Variants in NUBPL observed in about 807,000 individuals in gnomAD.
NUBPL encodes iron-sulfur cluster transfer protein NUBPL.
A neutral mutation model predicts 45.7 loss-of-function variants in NUBPL; 31 were observed. The observed-to-expected ratio is 0.68, with a 90% CI of 0.51 to 0.92. The LOEUF is 0.92. NUBPL is among the 40% of genes least tolerant of loss of function. The probability of loss-of-function intolerance (pLI) is 0.00; values close to 1 mark genes in which losing one functional copy is unlikely to be tolerated. For synonymous variants in NUBPL, 144 were observed against 140.9 expected, an observed-to-expected ratio of 1.02 and a Z score of -0.15; for missense variants, 401 against 398.7, an observed-to-expected ratio of 1.01 and a Z score of -0.05.
Position 31,564,730 on chromosome 14 carries a change from T to C in NUBPL, c.257-284T>C, listed in dbSNP as rs2033391258. 2.0e-5 allele frequency among the ~76,000 whole-genome samples: 3 copies of C among 152,278 alleles called. No individual in the cohort carries two copies. In the South Asian group the frequency reaches 6.2e-4, roughly 32 times the overall value. ...AATTAAGTGGATTATTTGAACAAAATTGTAACAGAAATGGATTTTTAAAAA... is the reference window on the plus strand; with the variant it reads ...AATTAAGTGGATTATTTGAACAAAACTGTAACAGAAATGGATTTTTAAAAA... On this transcript the variant is annotated intron_variant, in intron 2 of 10. Transcript: ENST00000281081.
chr14:31,680,228 C>CT (rs2036798419), intron 6 of NUBPL, among the ~76,000 whole-genome samples: 1 of 152,028 alleles, frequency 6.6e-6, no homozygotes, highest in Non-Finnish European at 1.5e-5. Context: ...ATTTGATTTT[C>CT]TGGTATTCTT....
chr14:31,678,089 C>T (rs146389305), intron 6 of NUBPL, among the ~76,000 whole-genome samples: 1 of 152,326 alleles, frequency 6.6e-6, no homozygotes, highest in African/African-American at 2.4e-5. Context: ...ACCAGCACTA[C>T]AGACCCACAG....
intron 7 of NUBPL, among the ~76,000 whole-genome samples, chr14:31,805,374 A>G (rs1321612556): frequency 6.6e-6 from 1 of 152,258 alleles, no homozygotes; most frequent in Non-Finnish European, 1.5e-5. Flanking sequence ...TCAAAGAGCT[A>G]AAGACAGAAC....
chr14:31,742,237 T>TACACACACAC (rs3035713), intron 6 of NUBPL, among the ~76,000 whole-genome samples: 2,098 of 141,424 alleles, frequency 0.015, 18 homozygotes, highest in African/African-American at 0.028. Flanking sequence ...AACTATTGTG[T>TACACACACAC]ACACACACAC....
At chr14:31,833,212 A>T (rs576383742) in intron 8 of NUBPL, among the ~76,000 whole-genome samples, 129 of 152,116 alleles carry the variant, frequency 8.5e-4, no homozygotes, top group Non-Finnish European at 1.5e-3. Context: ...CTTTAAAAGA[A>T]TAAAAAATTA....
At chr14:31,655,338 A>G (rs1595444719) in intron 4 of NUBPL, among the ~76,000 whole-genome samples, 1 of 152,330 alleles carries the variant, frequency 6.6e-6, no homozygotes, top group East Asian at 1.9e-4. Flanking sequence ...GTTAGCAGGC[A>G]TGAAGACAAC....
chr14:31,667,185 CCAAT>C, intron 4 of NUBPL, among the ~76,000 whole-genome samples: 1 of 152,262 alleles, frequency 6.6e-6, no homozygotes, highest in Non-Finnish European at 1.5e-5. Context: ...TTCAGGTACA[CCAAT>C]CAATCGTAGG....
intron 3 of NUBPL, among the ~76,000 whole-genome samples, chr14:31,594,327 G>A (rs1465608452): frequency 6.6e-6 from 1 of 152,182 alleles, no homozygotes; most frequent in Non-Finnish European, 1.5e-5. Context: ...CACTGAGGCG[G>A]GAGGATTGTT....
chr14:31,593,802 T>C (rs774648812), intron 3 of NUBPL, among the ~76,000 whole-genome samples: 2 of 152,128 alleles, frequency 1.3e-5, no homozygotes, highest in South Asian at 2.1e-4. Context: ...CTTGGGGGAA[T>C]AGGATTTCTG....
At chr14:31,635,922 AT>A (rs1031924286) in intron 4 of NUBPL, among the ~76,000 whole-genome samples, 24 of 152,070 alleles carry the variant, frequency 1.6e-4, no homozygotes, top group Non-Finnish European at 2.9e-4. Flanking sequence ...AATGCTTGTG[AT>A]TTTTGTACAT....
Position 31,701,985 on chromosome 14 carries a change from A to C in NUBPL, c.513+28411A>C, listed in dbSNP as rs1389739588. Among the ~76,000 whole-genome samples, 3 of 152,346 alleles carry C rather than the reference A, an allele frequency of 2.0e-5. No homozygotes were observed. In the East Asian group the frequency reaches 5.8e-4, roughly 29 times the overall value. On this transcript the variant is annotated intron_variant, in intron 6 of 10. Transcript: ENST00000281081. ...GGTGTTAAAGAGCATAGTCCCCATG[A>C]GACTGCCCTTACTTTTGACATTGAC...
chr14:31,599,880 A>G (rs1341932856), intron 4 of NUBPL, among the ~76,000 whole-genome samples: 1 of 149,312 alleles, frequency 6.7e-6, no homozygotes, highest in Non-Finnish European at 1.5e-5. Context: ...TGCATTGTTT[A>G]TTGTGCATTT....
Position 31,561,549 on chromosome 14 carries a change from T to G in NUBPL, c.108+2T>G. On this transcript the variant is annotated splice_donor_variant, in intron 1 of 10. Coordinates refer to ENST00000281081, the MANE Select transcript of NUBPL (RefSeq NM_025152.3). LOFTEE classifies it high-confidence loss of function. Reference sequence around the variant, plus strand: ...CGAGCGATGGTTTGTGGGCGCCAGGTCCGTGGTGCTGCAGGGCAGGGGGAA... The same window carrying G: ...CGAGCGATGGTTTGTGGGCGCCAGGGCCGTGGTGCTGCAGGGCAGGGGGAA... 7.3e-7 allele frequency: 1 copy of G among 1,377,974 alleles called. No homozygotes were observed. Among genetic ancestry groups the G allele is most frequent in the Non-Finnish European group, 9.4e-7 (1 of 1,058,940 alleles). The allele number at this position is 1,377,974 out of a possible 1,614,324, so 85.4% of individuals were successfully genotyped here.
At chr14:31,747,158 C>T (rs1435832901) in intron 6 of NUBPL, among the ~76,000 whole-genome samples, 1 of 119,548 alleles carries the variant, frequency 8.4e-6, no homozygotes, top group Non-Finnish European at 1.6e-5. Flanking sequence ...TTTTCTGAGT[C>T]GGAGTCTCGC....
intron 4 of NUBPL, among the ~76,000 whole-genome samples, chr14:31,666,263 A>AT: frequency 2.3e-3 from 251 of 110,910 alleles, no homozygotes; most frequent in Non-Finnish European, 3.6e-3. Flanking sequence ...ATATATATAT[A>AT]ATTTTATTTT....
chr14:31,582,286 C>T (rs557902525), intron 3 of NUBPL, among the ~76,000 whole-genome samples: 18 of 151,010 alleles, frequency 1.2e-4, no homozygotes, highest in Non-Finnish European at 2.2e-4. Context: ...ATAAAGGGGG[C>T]TTGTTTATGA....
At chr14:31,588,027 T>C (rs2034039558) in intron 3 of NUBPL, among the ~76,000 whole-genome samples, 1 of 152,222 alleles carries the variant, frequency 6.6e-6, no homozygotes, top group Non-Finnish European at 1.5e-5. Context: ...AGGAGAAAGA[T>C]GCTAACATTG....
At chr14:31,573,172 C>T (rs1427123164) in intron 3 of NUBPL, among the ~76,000 whole-genome samples, 1 of 152,168 alleles carries the variant, frequency 6.6e-6, no homozygotes, top group Non-Finnish European at 1.5e-5. Flanking sequence ...GTTATGATGG[C>T]TGTGCTGTCA....
chr14:31,695,947 TTTCAC>T (rs1398252856), intron 6 of NUBPL, among the ~76,000 whole-genome samples: 1 of 152,250 alleles, frequency 6.6e-6, no homozygotes, highest in Admixed American at 6.5e-5. Flanking sequence ...TAGAGACACT[TTTCAC>T]TTGATAAAAT....
Sources: gnomAD v4.1 joint callset for allele counts (sites outside exome capture counted in the v4.1 genomes callset) on GRCh38, gnomAD v4.1.1 for gene constraint, MANE v1.5 for transcripts, NCBI Gene and HGNC (gene_info 2026-07-23, HGNC 2026-07-21) for gene names.